Variants in PLEKHA6 observed in about 807,000 individuals in gnomAD.
PLEKHA6 encodes pleckstrin homology domain containing A6.
A neutral mutation model predicts 116.7 loss-of-function variants in PLEKHA6; 60 were observed. That is an observed-to-expected ratio of 0.51 (90% CI 0.42 to 0.64). The LOEUF (loss-of-function observed/expected upper bound fraction) is 0.64, where lower values mean the gene tolerates loss of function less well. PLEKHA6 is among the 30% of genes least tolerant of loss of function. PLEKHA6 has a pLI of 0.00. For missense variants in PLEKHA6, 1,338 were observed against 1,422.7 expected, an observed-to-expected ratio of 0.94 and a Z score of 0.96; for synonymous variants, 489 against 556.1, an observed-to-expected ratio of 0.88 and a Z score of 1.70.
At chr1:204,346,974 G>C in intron 1 of PLEKHA6, 8 of 1,246,038 alleles carry the variant, frequency 6.4e-6, no homozygotes, top group Non-Finnish European at 9.4e-6. Context: ...AGTGCTTAAT[G>C]TGCTCAATAC....
chr1:204,256,304 A>T (rs1665273366), intron 9 of PLEKHA6, among the ~76,000 whole-genome samples: 1 of 152,176 alleles, frequency 6.6e-6, no homozygotes, highest in Non-Finnish European at 1.5e-5. Flanking sequence ...AACAAATTCC[A>T]GGGAGAGACA....
In PLEKHA6 at chr1:204,248,886, G is replaced by A; in HGVS notation, c.1759C>T (p.His587Tyr). 1.2e-6 allele frequency: 2 copies of A among 1,614,104 alleles called. No homozygotes were observed. The highest frequency in any genetic ancestry group is 1.7e-6 in the Non-Finnish European group (2 of 1,179,994). The change falls in exon 12 of 23, where the codon CAC (histidine) becomes TAC (tyrosine). Residue 587 changes from histidine to tyrosine, a missense_variant. Transcript: ENST00000272203. The stretch of plus-strand genomic sequence containing the variant: ...TGGTTCTGCAGTGAATCCTTTTTGT[G>A]TCGCAGCTTTTCTGGGTAGGCGGGC... The part of the protein sequence containing the change: ...SQPAYPEKLR[H>Y]KKDSLQNQLI...
chr1:204,359,205 A>G (rs997569304), intron 1 of PLEKHA6, among the ~76,000 whole-genome samples: 1 of 151,942 alleles, frequency 6.6e-6, no homozygotes, highest in Non-Finnish European at 1.5e-5. Context: ...CCTTCGACCC[A>G]ACCTCTGACT....
intron 1 of PLEKHA6, among the ~76,000 whole-genome samples, chr1:204,292,474 G>T (rs900661812): frequency 6.6e-6 from 1 of 151,378 alleles, no homozygotes; most frequent in South Asian, 2.1e-4. Flanking sequence ...TCCCTCACCC[G>T]GGCACTATGT....
chr1:204,322,506 A>G (rs1672099037), intron 1 of PLEKHA6, among the ~76,000 whole-genome samples: 1 of 152,238 alleles, frequency 6.6e-6, no homozygotes, highest in South Asian at 2.1e-4. Flanking sequence ...GGCTGCTGCC[A>G]TCCAGCTTTT....
intron 1 of PLEKHA6, among the ~76,000 whole-genome samples, chr1:204,308,362 A>T (rs1671481525): frequency 2.0e-5 from 3 of 152,246 alleles, no homozygotes; most frequent in Admixed American, 2.0e-4. Context: ...GTGAGCTATG[A>T]TCCTATGATC....
intron 17 of PLEKHA6, among the ~76,000 whole-genome samples, chr1:204,239,596 TA>T (rs1175971143): frequency 4.6e-5 from 7 of 151,932 alleles, no homozygotes; most frequent in Non-Finnish European, 7.4e-5. Flanking sequence ...ACTTTGCAGC[TA>T]AAAAAAAGTG....
At chr1:204,246,321 A>G (rs1663672382) in intron 13 of PLEKHA6, among the ~76,000 whole-genome samples, 1 of 152,214 alleles carries the variant, frequency 6.6e-6, no homozygotes, top group Non-Finnish European at 1.5e-5. Context: ...TTCAGAGATG[A>G]AGAGACTTAC....
intron 1 of PLEKHA6, among the ~76,000 whole-genome samples, chr1:204,343,260 C>T (rs991809050): frequency 6.6e-6 from 1 of 152,164 alleles, no homozygotes; most frequent in Non-Finnish European, 1.5e-5. Context: ...GTGTTCAATT[C>T]CAGACAATTT....
intron 1 of PLEKHA6, among the ~76,000 whole-genome samples, chr1:204,296,550 C>T (rs994040649): frequency 5.3e-5 from 8 of 152,230 alleles, no homozygotes; most frequent in Non-Finnish European, 1.0e-4. Context: ...TTGCAGCGGC[C>T]CTCTAAGCTG....
At chr1:204,301,461 G>T in intron 1 of PLEKHA6, 1 of 985,424 alleles carries the variant, frequency 1.0e-6, no homozygotes, top group Non-Finnish European at 1.2e-6. Context: ...TTGGACTTCA[G>T]GTATAGACAT....
upstream of PLEKHA6, among the ~76,000 whole-genome samples, chr1:204,363,854 C>T (rs188364811): frequency 4.6e-4 from 70 of 152,206 alleles, no homozygotes; most frequent in African/African-American, 1.6e-3. Flanking sequence ...CTTGTGGATT[C>T]TTGCGGTAAG....
At chr1:204,328,055 TTTA>T (rs1291843875) in intron 1 of PLEKHA6, among the ~76,000 whole-genome samples, 3 of 26,912 alleles carry the variant, frequency 1.1e-4, no homozygotes, top group Admixed American at 5.0e-4. Context: ...ATTTTATTTA[TTTA>T]TTTATTTATT....
At chr1:204,253,616 G>A (rs1197288467) in intron 9 of PLEKHA6, among the ~76,000 whole-genome samples, 2 of 152,088 alleles carry the variant, frequency 1.3e-5, no homozygotes, top group East Asian at 1.9e-4. Flanking sequence ...CTTGAGGCTG[G>A]GAGTTTGAGA....
At chr1:204,336,851 G>A (rs900373140) in intron 1 of PLEKHA6, among the ~76,000 whole-genome samples, 1 of 152,130 alleles carries the variant, frequency 6.6e-6, no homozygotes, top group African/African-American at 2.4e-5. Context: ...CCCCTGCTAG[G>A]GCTGTACCAG....
At chr1:204,309,762 G>T in intron 1 of PLEKHA6, 1 of 850,250 alleles carries the variant, frequency 1.2e-6, no homozygotes, top group Non-Finnish European at 1.4e-6. Flanking sequence ...AATAATTTAT[G>T]TTAACTACCA....
intron 17 of PLEKHA6, among the ~76,000 whole-genome samples, chr1:204,236,069 T>C (rs989715566): frequency 1.3e-5 from 2 of 152,232 alleles, no homozygotes; most frequent in Non-Finnish European, 2.9e-5. Flanking sequence ...TTGAGTTCTC[T>C]GATTTATATA....
intron 1 of PLEKHA6, among the ~76,000 whole-genome samples, chr1:204,356,000 CAAAA>C (rs199652785): frequency 6.3e-5 from 3 of 47,674 alleles, no homozygotes; most frequent in African/African-American, 1.2e-4. Flanking sequence ...CACACACACA[CAAAA>C]AAAATCCATT....
intron 1 of PLEKHA6, among the ~76,000 whole-genome samples, chr1:204,303,000 T>C (rs1331154144): frequency 4.6e-5 from 7 of 152,208 alleles, no homozygotes; most frequent in African/African-American, 1.7e-4. Flanking sequence ...GCTCCTCAAG[T>C]GGCAGCTATC....
Sources: allele counts gnomAD v4.1 joint callset (sites outside exome capture counted in the v4.1 genomes callset), GRCh38; gene constraint gnomAD v4.1.1; transcripts MANE v1.5; gene names NCBI Gene and HGNC (gene_info 2026-07-23, HGNC 2026-07-21).